Variants in OLAH observed in about 807,000 individuals in gnomAD.
OLAH encodes S-acyl fatty acid synthase thioesterase, medium chain.
In OLAH, 33 loss-of-function variants were observed where a neutral mutation model predicts 27.8. The ratio of observed to expected loss-of-function variants is 1.19; its 90% CI spans 0.90 to 1.59. The LOEUF (loss-of-function observed/expected upper bound fraction) is 1.59, where lower values mean the gene tolerates loss of function less well. OLAH is among the 40% of genes most tolerant of loss of function. The probability of loss-of-function intolerance (pLI) is 0.00; values close to 1 mark genes in which losing one functional copy is unlikely to be tolerated. For synonymous variants in OLAH, 120 were observed against 102.9 expected (o/e 1.17, Z -1.01); for missense variants, 359 against 310.8 (o/e 1.16, Z -1.17).
At chr10:15,064,740 C>T (rs1844434114) in intron 5 of OLAH, among the ~76,000 whole-genome samples, 1 of 152,196 alleles carries the variant, frequency 6.6e-6, no homozygotes, top group East Asian at 1.9e-4. Context: ...TCACTGCAAC[C>T]TCTGCTTACT....
intron 7 of OLAH, 28 bp downstream of exon 7, chr10:15,071,905 G>A: frequency 6.6e-7 from 1 of 1,523,918 alleles, no homozygotes; most frequent in Non-Finnish European, 9.1e-7. Flanking sequence ...CTCGAGTATT[G>A]TATTGAAATA....
chr10:15,070,328 G>C (rs1360052591), intron 6 of OLAH, among the ~76,000 whole-genome samples: 1 of 152,042 alleles, frequency 6.6e-6, no homozygotes, highest in Non-Finnish European at 1.5e-5. Flanking sequence ...TAGAAGTCCA[G>C]TTTGATCATG....
chr10:15,057,042 G>T (rs1844260210), intron 3 of OLAH: 1 of 1,328,076 alleles, frequency 7.5e-7, no homozygotes, highest in South Asian at 2.2e-5. Flanking sequence ...TTAATGTGGT[G>T]TCTTCTGACT....
intron 3 of OLAH, among the ~76,000 whole-genome samples, 165 bp from the exon 4 acceptor site, chr10:15,061,559 T>G (rs1252754423): frequency 6.6e-6 from 1 of 152,204 alleles, no homozygotes; most frequent in East Asian, 1.9e-4. Flanking sequence ...TTTTATCTTC[T>G]TGCTTTTATT....
intron 3 of OLAH, chr10:15,056,837 C>T (rs1224464806): frequency 6.7e-7 from 1 of 1,502,034 alleles, no homozygotes. Flanking sequence ...CAGCATCTCA[C>T]CATGTTGCCA....
At position 15,034,615 on chromosome 10, in the gene OLAH, G is replaced by C. The variant is rs115954319; in HGVS notation, c.-164+2265G>C. ...CCCTTTGCAGGGTGAGCTGAGGCTGGAAGTGGTCTATGGCCCAGCCACTTT... is the reference window on the plus strand; with the variant it reads ...CCCTTTGCAGGGTGAGCTGAGGCTGCAAGTGGTCTATGGCCCAGCCACTTT... On this transcript the variant is annotated intron_variant, in intron 1 of 3. Coordinates refer to the OLAH transcript ENST00000413672. Among the ~76,000 whole-genome samples, 1,063 of 152,252 alleles carry C rather than the reference G, an allele frequency of 7.0e-3. 2 individuals are homozygous for C. Among genetic ancestry groups the C allele is most frequent in the African/African-American group, 0.021 (869 of 41,544 alleles).
At chr10:15,058,471 A>G (rs1293262460) in intron 3 of OLAH, among the ~76,000 whole-genome samples, 1 of 152,198 alleles carries the variant, frequency 6.6e-6, no homozygotes, top group Non-Finnish European at 1.5e-5. Flanking sequence ...AAAGAATCTT[A>G]TAAGAGTGTT....
intron 3 of OLAH, among the ~76,000 whole-genome samples, chr10:15,059,550 A>G (rs1375885810): frequency 6.6e-6 from 1 of 152,048 alleles, no homozygotes; most frequent in Non-Finnish European, 1.5e-5. Context: ...TCATGTCTGT[A>G]ATCTTAGCAC....
At chr10:15,033,412 G>A (rs1796073999) in intron 1 of OLAH, among the ~76,000 whole-genome samples, 2 of 152,006 alleles carry the variant, frequency 1.3e-5, no homozygotes, top group Admixed American at 1.3e-4. Context: ...TATATAGTAA[G>A]AGAGTGCAAG....
chr10:15,046,249 G>A (rs1204269717), intron 1 of OLAH, among the ~76,000 whole-genome samples: 5 of 151,646 alleles, frequency 3.3e-5, no homozygotes, highest in Admixed American at 6.6e-5. Context: ...GGGAGGCTGA[G>A]GCAGGACAAT....
rs1053502601 is a variant in OLAH at position 15,073,216 on chromosome 10, T to A, written c.785T>A (p.Ile262Lys). The A allele has an allele frequency of 3.2e-6, 5 of 1,582,256 alleles. No homozygotes were observed. The highest frequency in any genetic ancestry group is 4.3e-6 in the Non-Finnish European group (5 of 1,159,560). Residue 262 changes from isoleucine (I) to lysine (K), a missense_variant, in exon 8 of 8, where the codon ATA (isoleucine) becomes AAA (lysine). Ile to Lys is a moderately radical substitution (Grantham distance 102). Coordinates refer to ENST00000378228, the MANE Select transcript of OLAH (RefSeq NM_001039702.3). ...YIIKCLEVSS[I>K]SNF The stretch of plus-strand genomic sequence containing the variant: ...ATCAAGTGTCTAGAAGTATCATCGA[T>A]ATCCAATTTTTAGATATTTTCCCTT...
chr10:15,040,759 C>G (rs1281961165), upstream of OLAH, among the ~76,000 whole-genome samples: 1 of 152,180 alleles, frequency 6.6e-6, no homozygotes, highest in Non-Finnish European at 1.5e-5. Context: ...CAACTGTGAA[C>G]AAAACCACCA....
intron 3 of OLAH, among the ~76,000 whole-genome samples, chr10:15,058,794 T>C (rs1164939917): frequency 6.6e-6 from 1 of 152,176 alleles, no homozygotes; most frequent in African/African-American, 2.4e-5. Context: ...GGGTTTTATG[T>C]GTCTAAAAAG....
At chr10:15,062,933 T>A (rs933224456) in intron 4 of OLAH, among the ~76,000 whole-genome samples, 3 of 152,026 alleles carry the variant, frequency 2.0e-5, no homozygotes, top group Non-Finnish European at 4.4e-5. Context: ...GAGTTGGGGT[T>A]TCACCATGTT....
chr10:15,045,495 A>G (rs1433613111), intron 1 of OLAH, among the ~76,000 whole-genome samples: 1 of 152,204 alleles, frequency 6.6e-6, no homozygotes, highest in East Asian at 1.9e-4. Context: ...TGAGTCATTC[A>G]GGTGATTTTT....
intron 2 of OLAH, among the ~76,000 whole-genome samples, chr10:15,049,092 G>A (rs1387751031): frequency 2.3e-5 from 3 of 128,922 alleles, no homozygotes; most frequent in African/African-American, 8.7e-5. Flanking sequence ...AACAAAGTGA[G>A]ACTATGTCTT....
chr10:15,062,244 G>T (rs1018677455), intron 4 of OLAH, among the ~76,000 whole-genome samples: 2 of 152,050 alleles, frequency 1.3e-5, no homozygotes, highest in Non-Finnish European at 2.9e-5. Context: ...AAATTTCTTA[G>T]GCTTCTGAGT....
At chr10:15,054,349 AT>A in intron 3 of OLAH, among the ~76,000 whole-genome samples, 1 of 152,056 alleles carries the variant, frequency 6.6e-6, no homozygotes, top group Non-Finnish European at 1.5e-5. Context: ...CCTTTTTAAG[AT>A]TTTTAATAAA....
At chr10:15,069,791 A>G (rs1373504610) in intron 6 of OLAH, among the ~76,000 whole-genome samples, 1 of 152,154 alleles carries the variant, frequency 6.6e-6, no homozygotes, top group Non-Finnish European at 1.5e-5. Context: ...ACTTGAACCC[A>G]GGAGACAGAG....
Sources: allele counts gnomAD v4.1 joint callset (sites outside exome capture counted in the v4.1 genomes callset), GRCh38; gene constraint gnomAD v4.1.1; transcripts MANE v1.5; gene names NCBI Gene and HGNC (gene_info 2026-07-23, HGNC 2026-07-21).